The following SV2C variants were observed in gnomAD, a reference collection of about 807,000 sequenced individuals.
SV2C encodes synaptic vesicle glycoprotein 2C.
A neutral mutation model predicts 79.7 loss-of-function variants in SV2C; 49 were observed. The observed-to-expected ratio is 0.61, with a 90% confidence interval of 0.49 to 0.78. The LOEUF (loss-of-function observed/expected upper bound fraction) is 0.78, where lower values mean the gene tolerates loss of function less well. Ranked by LOEUF, SV2C falls within the 30% of genes least tolerant of loss-of-function variation. The pLI is 0.00. For missense variants in SV2C, 833 were observed against 912.9 expected (o/e 0.91, Z 1.13); for synonymous variants, 334 against 333.2 (o/e 1.00, Z -0.03).
At chr5:76,241,958 G>T in intron 4 of SV2C, 3 of 820,192 alleles carry the variant, frequency 3.7e-6, no homozygotes, top group South Asian at 1.4e-5. Context: ...TATAAAACTT[G>T]ATAAAAAATA....
chr5:76,045,816 G>T, the SV2C span, among the ~76,000 whole-genome samples: 1,787 of 152,208 alleles, frequency 0.012, 40 homozygotes, highest in African/African-American at 0.041. Flanking sequence ...TATTCTGTGG[G>T]GGCTAAAAGA....
chr5:75,984,957 T>C, the SV2C span, among the ~76,000 whole-genome samples: 2 of 152,066 alleles, frequency 1.3e-5, no homozygotes, highest in African/African-American at 4.8e-5. Context: ...TAGTGCTTGA[T>C]TGCTGTCTTA....
the SV2C span, among the ~76,000 whole-genome samples, chr5:75,977,417 C>T: frequency 2.9e-4 from 44 of 152,358 alleles, no homozygotes; most frequent in African/African-American, 9.1e-4. Flanking sequence ...TCAGCCTTCT[C>T]TTGCCTTTAC....
chr5:76,176,205 T>C (rs1743524087), intron 2 of SV2C, among the ~76,000 whole-genome samples: 1 of 152,192 alleles, frequency 6.6e-6, no homozygotes, highest in South Asian at 2.1e-4. Flanking sequence ...CTTAAGTGAT[T>C]ACCGATGGGG....
chr5:76,052,264 G>A, the SV2C span, among the ~76,000 whole-genome samples: 175 of 152,246 alleles, frequency 1.1e-3, no homozygotes, highest in African/African-American at 4.0e-3. Context: ...AACATCTTTT[G>A]AGTTTTGAGA....
chr5:76,086,674 T>G (rs1190182032), intron 1 of SV2C, among the ~76,000 whole-genome samples: 1 of 152,208 alleles, frequency 6.6e-6, no homozygotes, highest in East Asian at 1.9e-4. Flanking sequence ...CCACATTGTT[T>G]TCAATCTCTG....
chr5:76,034,411 G>C, the SV2C span, among the ~76,000 whole-genome samples: 1 of 152,158 alleles, frequency 6.6e-6, no homozygotes, highest in Non-Finnish European at 1.5e-5. Flanking sequence ...TTATTATTTT[G>C]AGATACATCC....
chr5:75,878,129 A>G, the SV2C span, among the ~76,000 whole-genome samples: 1 of 152,152 alleles, frequency 6.6e-6, no homozygotes, highest in East Asian at 1.9e-4. Context: ...TTTAAAGAAT[A>G]TTTAATAAAG....
At chr5:76,056,624 CTTTT>C in the SV2C span, among the ~76,000 whole-genome samples, 23 of 65,722 alleles carry the variant, frequency 3.5e-4, no homozygotes, top group African/African-American at 1.2e-3. Flanking sequence ...CCTGGGCTTT[CTTTT>C]TTTTTTTTTT....
At chr5:76,271,923 G>T (rs567832271) in intron 4 of SV2C, among the ~76,000 whole-genome samples, 1 of 152,250 alleles carries the variant, frequency 6.6e-6, no homozygotes, top group South Asian at 2.1e-4. Context: ...ACAAGGACCA[G>T]AAATTAGAGC....
At chr5:76,010,000 T>TG in the SV2C span, among the ~76,000 whole-genome samples, 1 of 147,796 alleles carries the variant, frequency 6.8e-6, no homozygotes, top group South Asian at 2.2e-4. Flanking sequence ...TGTTTTTTTT[T>TG]TTTTTTTTTT....
chr5:76,285,630 T>G (rs1406350437), intron 5 of SV2C, 151 bp from the exon 6 acceptor site: 1 of 651,738 alleles, frequency 1.5e-6, no homozygotes, highest in African/African-American at 1.8e-5. Flanking sequence ...TTCAGTGATA[T>G]CCAAATAGTC....
chr5:76,036,819 G>T, the SV2C span, among the ~76,000 whole-genome samples: 1 of 152,166 alleles, frequency 6.6e-6, no homozygotes, highest in Non-Finnish European at 1.5e-5. Context: ...AAGTTCTCCT[G>T]CATAATATCC....
the SV2C span, among the ~76,000 whole-genome samples, chr5:75,944,644 G>A: frequency 0.25 from 37,784 of 152,032 alleles, 5,589 homozygotes; most frequent in East Asian, 0.41. Flanking sequence ...TTTGACACCT[G>A]GGTTTGAACT....
At chr5:75,997,467 C>G in the SV2C span, among the ~76,000 whole-genome samples, 2 of 152,080 alleles carry the variant, frequency 1.3e-5, no homozygotes, top group African/African-American at 4.8e-5. Flanking sequence ...TATCCAGAAT[C>G]TACAATGAAC....
chr5:76,280,843 C>T (rs1240492869), intron 4 of SV2C: 2 of 402,454 alleles, frequency 5.0e-6, no homozygotes, highest in Non-Finnish European at 9.9e-6. Context: ...GCAGCCAGGC[C>T]GAATTCAGTT....
chr5:76,173,534 G>A, intron 2 of SV2C: 1 of 1,235,236 alleles, frequency 8.1e-7, no homozygotes, highest in Non-Finnish European at 1.2e-6. Flanking sequence ...GTCCATTTAA[G>A]ATGTTGGTAG....
In SV2C at chr5:76,214,505, T is replaced by A. The variant is rs182858640; in HGVS notation, c.913+4618T>A. On this transcript the variant is annotated intron_variant, in intron 4 of 12. Coordinates refer to ENST00000502798, the MANE Select transcript of SV2C (RefSeq NM_014979.4). ...TCTTGCTCAAGGTTACTTTAGCTACTCAGGGTCTTTTGTTGTTCCATACAG... is the reference window on the plus strand; with the variant it reads ...TCTTGCTCAAGGTTACTTTAGCTACACAGGGTCTTTTGTTGTTCCATACAG... Among the ~76,000 whole-genome samples the A allele has an allele frequency of 1.5e-3, 222 of 152,352 alleles. 1 individual carries two copies. The highest frequency in any genetic ancestry group is 4.9e-3 in the African/African-American group (204 of 41,592).
chr5:76,242,623 G>A (rs1441448484), intron 4 of SV2C, among the ~76,000 whole-genome samples: 1 of 152,162 alleles, frequency 6.6e-6, no homozygotes, highest in East Asian at 1.9e-4. Context: ...AATGCTGCGA[G>A]GTCACACAGA....
Sources: gnomAD v4.1 joint callset for allele counts (sites outside exome capture counted in the v4.1 genomes callset) on GRCh38, gnomAD v4.1.1 for gene constraint, MANE v1.5 for transcripts, NCBI Gene and HGNC (gene_info 2026-07-23, HGNC 2026-07-21) for gene names.